Variants in ALDH3A2 observed in about 807,000 individuals in gnomAD.
ALDH3A2 encodes the protein aldehyde dehydrogenase 3 family member A2, also known as aldehyde dehydrogenase family 3 member A2.
A neutral mutation model predicts 51.3 loss-of-function variants in ALDH3A2; 36 were observed. The observed-to-expected ratio is 0.70, with a 90% confidence interval of 0.54 to 0.93. The LOEUF is 0.93. ALDH3A2 is among the 40% of genes least tolerant of loss of function. ALDH3A2 has a pLI of 0.00. For synonymous variants in ALDH3A2, 199 were observed against 219.8 expected, an observed-to-expected ratio of 0.91 and a Z score of 0.84; for missense variants, 552 against 603.1, an observed-to-expected ratio of 0.92 and a Z score of 0.89.
intron 8 of ALDH3A2, among the ~76,000 whole-genome samples, chr17:19,665,409 GGT>G (rs1293090411): frequency 7.2e-5 from 10 of 139,760 alleles, no homozygotes; most frequent in South Asian, 2.2e-4. Context: ...GTGTGTGTGT[GGT>G]GTGTGTGTTT....
In ALDH3A2 at chr17:19,667,955, TATGA is replaced by T. The variant is rs201049558; in HGVS notation, c.1207+2909_1207+2912del. Among the ~76,000 whole-genome samples the T allele has an allele frequency of 2.6e-5, 4 of 152,344 alleles. No homozygotes were observed. The East Asian group carries it at 5.8e-4, about 22-fold the overall frequency. On this transcript the variant is annotated intron_variant, in intron 8 of 9. Transcript: ENST00000176643. ...CCACTTTATATTCCCATGATCAGTA[TATGA>T]GTGTTTACTTCCTTATATCCCCAAT...
At chr17:19,663,631 A>G (rs2084998252) in intron 7 of ALDH3A2, 132 bp downstream of exon 7, 3 of 1,098,450 alleles carry the variant, frequency 2.7e-6, no homozygotes, top group Non-Finnish European at 3.9e-6. Flanking sequence ...GAGTCCATCC[A>G]CTAAGTGAGG....
At chr17:19,656,127 T>C in intron 3 of ALDH3A2, 2 of 533,242 alleles carry the variant, frequency 3.8e-6, no homozygotes, top group Non-Finnish European at 6.8e-6. Context: ...GCTGAGCTCA[T>C]GTAAAAAAAC....
chr17:19,664,950 C>G lies in ALDH3A2; in HGVS notation c.1110C>G (p.Leu370=), dbSNP rs1400358976. Reference sequence around the variant, plus strand: ...GGACACCTTTGGTCTGTCCTCAGCTCATCAAACGGATGATTGATGAGACAT... The same window carrying G: ...GGACACCTTTGGTCTGTCCTCAGCTGATCAAACGGATGATTGATGAGACAT... ...ALYVFSHNHK[L]IKRMIDETSS... is the part of the protein sequence containing the mutation. Residue 370 remains leucine (L), a splice_region_variant and synonymous_variant, in exon 8 of 10, where the codon CTC becomes CTG. Coordinates refer to ENST00000176643, the MANE Select transcript of ALDH3A2 (RefSeq NM_000382.3). 3.1e-6 allele frequency: 5 copies of G among 1,613,274 alleles called. No homozygotes were observed. The South Asian group carries it at 4.4e-5, about 14-fold the overall frequency.
intron 8 of ALDH3A2, among the ~76,000 whole-genome samples, chr17:19,669,848 C>T (rs897181956): frequency 1.3e-5 from 2 of 152,134 alleles, no homozygotes; most frequent in African/African-American, 2.4e-5. Context: ...CTGTGTTGCC[C>T]AGGCTGGTCT....
Position 19,648,980 on chromosome 17 carries a change from C to G in ALDH3A2, c.9C>G (p.Leu3=). Residue 3 remains leucine (L), a synonymous_variant, in exon 1 of 10, where the codon CTC becomes CTG. Coordinates refer to ENST00000176643, the MANE Select transcript of ALDH3A2 (RefSeq NM_000382.3). ...CTCTGCAGGACCAGGCCATGGAGCT[C>G]GAAGTCCGGCGGGTCCGACAGGCGT... ME[L]EVRRVRQAFL... is the part of the protein sequence containing the mutation. The G allele has an allele frequency of 6.3e-7, 1 of 1,588,180 alleles. No individual in the cohort carries two copies. The highest frequency in any genetic ancestry group is 8.6e-7 in the Non-Finnish European group (1 of 1,168,246).
intron 8 of ALDH3A2, among the ~76,000 whole-genome samples, chr17:19,668,311 G>A (rs778262718): frequency 4.6e-5 from 7 of 152,100 alleles, no homozygotes; most frequent in East Asian, 1.9e-4. Flanking sequence ...GCAATGGCGC[G>A]ACCTCGGTTC....
intron 9 of ALDH3A2, among the ~76,000 whole-genome samples, chr17:19,673,455 C>T (rs1193316667): frequency 2.6e-5 from 4 of 151,686 alleles, no homozygotes; most frequent in South Asian, 2.1e-4. Context: ...CAGTGGCTCA[C>T]GCCTGTAATC....
chr17:19,648,681 GCGAGGC>G (rs1184511237), upstream of ALDH3A2: 10 of 490,158 alleles, frequency 2.0e-5, no homozygotes, highest in Non-Finnish European at 3.7e-5. Context: ...GGCCGCGTGG[GCGAGGC>G]CGTGAACAGC....
rs34082599 is a variant in ALDH3A2 at position 19,658,748 on chromosome 17, TAA to T, written c.798+902_798+903del. ...GGGCGACAGAGCAAGACTCTGTCTT[TAA>T]AAAAAAAAAAAAAAAGAAGAATGGG... is the stretch of plus-strand genomic sequence containing the variant. On this transcript the variant is annotated intron_variant, in intron 5 of 9. Transcript: ENST00000176643. Among the ~76,000 whole-genome samples, 413 of 138,724 alleles carry T rather than the reference TAA, an allele frequency of 3.0e-3. 1 individual carries two copies. The highest frequency in any genetic ancestry group is 0.015 in the South Asian group (67 of 4,372). The allele number at this position is 138,724 out of a possible 152,430, so 91.0% of individuals were successfully genotyped here.
At chr17:19,675,032 G>C (rs1288561120) in intron 9 of ALDH3A2, 1 of 153,954 alleles carries the variant, frequency 6.5e-6, no homozygotes, top group Admixed American at 6.4e-5. Context: ...GGTTTTAAAA[G>C]GTCGAGAAAC....
chr17:19,673,356 GT>G (rs1156486985), intron 9 of ALDH3A2: 25 of 423,284 alleles, frequency 5.9e-5, no homozygotes, highest in Admixed American at 1.6e-4. Flanking sequence ...GTTTGTTTTT[GT>G]TTTTGTTTTT....
At chr17:19,656,651 T>C in intron 4 of ALDH3A2, 77 bp downstream of exon 4, 1 of 1,340,970 alleles carries the variant, frequency 7.5e-7, no homozygotes, top group East Asian at 2.5e-5. Flanking sequence ...CTCTTTGTAC[T>C]TGAACCCCAT....
rs1455877043 is a variant in ALDH3A2 at position 19,654,263 on chromosome 17, A to G, written c.471+1631A>G. Among the ~76,000 whole-genome samples, 1 of 152,248 alleles carries G rather than the reference A, an allele frequency of 6.6e-6. No homozygotes were observed. The highest frequency in any genetic ancestry group is 1.5e-5 in the Non-Finnish European group (1 of 68,038). On this transcript the variant is annotated intron_variant, in intron 3 of 9. Transcript: ENST00000176643. The surrounding 1 kb of genome is among the most constrained non-coding windows in gnomAD (Gnocchi z 4.5). ...CAGCTGGCTTTGCCTAGTGGATCCC[A>G]CGCCGGGGCTGTGGGTGGAGCTGCC...
chr17:19,673,404 T>C (rs997470293), intron 9 of ALDH3A2: 10 of 1,211,884 alleles, frequency 8.3e-6, no homozygotes, highest in Non-Finnish European at 1.1e-5. Context: ...TTTGCTACAG[T>C]TGGAGGCTTA....
chr17:19,661,475 G>A (rs770468945), intron 6 of ALDH3A2: 20 of 581,172 alleles, frequency 3.4e-5, no homozygotes, highest in Admixed American at 9.7e-5. Flanking sequence ...TGCCACCAGC[G>A]TTGCTCCAGT....
intron 7 of ALDH3A2, 37 bp downstream of exon 7, chr17:19,663,536 A>G (rs2084996681): frequency 6.2e-7 from 1 of 1,604,982 alleles, no homozygotes; most frequent in Non-Finnish European, 8.5e-7. Context: ...AGCATAAGCA[A>G]CTGTCAAGAG....
chr17:19,671,696 G>A, intron 8 of ALDH3A2, 25 bp from the exon 9 acceptor site: 1 of 1,595,408 alleles, frequency 6.3e-7, no homozygotes, highest in Non-Finnish European at 8.6e-7. Flanking sequence ...AGTGAAGCTT[G>A]TTTTGTCTGT....
rs973532445 is a variant in ALDH3A2 at position 19,654,212 on chromosome 17, C to G, written c.471+1580C>G. Among the ~76,000 whole-genome samples the G allele has an allele frequency of 8.5e-5, 13 of 152,280 alleles. No individual in the cohort carries two copies. Among genetic ancestry groups the G allele is most frequent in the African/African-American group, 3.1e-4 (13 of 41,480 alleles). ...TCCTCCGGCTAGACATAAAAGTTCT[C>G]TAAGTCCCCACCCGACTCAGGAGCC... On this transcript the variant is annotated intron_variant, in intron 3 of 9. Coordinates refer to ENST00000176643, the MANE Select transcript of ALDH3A2 (RefSeq NM_000382.3). The surrounding 1 kb of genome is among the most constrained non-coding windows in gnomAD (Gnocchi z 4.5).
Sources: allele counts gnomAD v4.1 joint callset (sites outside exome capture counted in the v4.1 genomes callset), GRCh38; gene constraint gnomAD v4.1.1; non-coding constraint Gnocchi (gnomAD v3.1); transcripts MANE v1.5; gene names NCBI Gene and HGNC (gene_info 2026-07-23, HGNC 2026-07-21).